Variants in SVIL observed in about 807,000 individuals in gnomAD.
SVIL encodes archvillin.
Under a neutral mutation model 240.4 loss-of-function variants are expected in SVIL, and 101 were observed. That is an observed-to-expected ratio of 0.42 (90% CI 0.36 to 0.50). The LOEUF (loss-of-function observed/expected upper bound fraction) is 0.50, where lower values mean the gene tolerates loss of function less well. Ranked by LOEUF, SVIL falls within the 20% of genes least tolerant of loss-of-function variation. The probability of loss-of-function intolerance (pLI) is 0.01; values close to 1 mark genes in which losing one functional copy is unlikely to be tolerated. For synonymous variants in SVIL, 999 were observed against 1,100.0 expected (o/e 0.91, Z 1.82); for missense variants, 2,512 against 2,818.7 (o/e 0.89, Z 2.46).
rs561459944 is a variant in SVIL at position 29,519,966 on chromosome 10, C to T, written c.3389+2444G>A. On this transcript the variant is annotated intron_variant, in intron 16 of 37. Transcript: ENST00000355867. ...CCACAAAGCCCAAGCTAAGAAGCTA[C>T]GTCTTTCCAGTATCTCACTTTTAAA... Among the ~76,000 whole-genome samples the T allele has an allele frequency of 5.8e-4, 78 of 134,492 alleles. 1 individual carries two copies. In the South Asian group the frequency reaches 0.017, roughly 29 times the overall value. The allele number at this position is 134,492 out of a possible 152,430, so 88.2% of individuals were successfully genotyped here. A position where few individuals can be genotyped will look rare whatever the true frequency, so the allele number is the denominator to read the frequency against.
chr10:29,683,747 A>G (rs1425093231), intron 2 of SVIL, among the ~76,000 whole-genome samples: 1 of 152,128 alleles, frequency 6.6e-6, no homozygotes, highest in Non-Finnish European at 1.5e-5. Flanking sequence ...CACCTGCACT[A>G]AGAGGTTCCT....
At chr10:29,559,655 C>T (rs972920889) in intron 3 of SVIL, among the ~76,000 whole-genome samples, 2 of 152,146 alleles carry the variant, frequency 1.3e-5, no homozygotes, top group African/African-American at 4.8e-5. Flanking sequence ...TTAGGACTTC[C>T]AAACATATCC....
chr10:29,479,903 G>A (rs1946641514), intron 29 of SVIL, among the ~76,000 whole-genome samples: 1 of 152,194 alleles, frequency 6.6e-6, no homozygotes, highest in Non-Finnish European at 1.5e-5. Flanking sequence ...TGAAAGGGAT[G>A]ATTTCTCCAG....
chr10:29,584,412 G>A (rs1956076235), intron 1 of SVIL, among the ~76,000 whole-genome samples: 2 of 152,200 alleles, frequency 1.3e-5, no homozygotes, highest in South Asian at 2.1e-4. Context: ...CAGCTTCCCT[G>A]CCCTGCTGCC....
At position 29,471,183 on chromosome 10, in the gene SVIL, C is replaced by T. The variant is rs764010808; in HGVS notation, c.5590G>A (p.Val1864Met). The change falls in exon 31 of 38, where the codon GTG becomes ATG. Residue 1864 changes from valine to methionine, a missense_variant. Val to Met is a conservative substitution (Grantham distance 21). Transcript: ENST00000355867. The stretch of plus-strand genomic sequence containing the variant: ...TCTTCCCGCCTCCCCGAGTGCACCA[C>T]CATCCCCCCCTGGAAACACTGCAGG... The part of the protein sequence containing the change: ...CFLQCFQGGM[V>M]VHSGRREEEE... 3 of 1,613,976 alleles carry T rather than the reference C, an allele frequency of 1.9e-6. No individual in the cohort carries two copies. Among genetic ancestry groups the T allele is most frequent in the Non-Finnish European group, 2.5e-6 (3 of 1,179,962 alleles).
chr10:29,520,918 A>T (rs1216328004), intron 16 of SVIL, among the ~76,000 whole-genome samples: 2 of 59,976 alleles, frequency 3.3e-5, no homozygotes, highest in Non-Finnish European at 7.6e-5. Flanking sequence ...CCATTCCTCT[A>T]AAAAAAAAAA....
intron 17 of SVIL, among the ~76,000 whole-genome samples, chr10:29,509,345 GAGAGAGAGAGAGA>G (rs1236105750): frequency 2.0e-5 from 2 of 101,352 alleles, no homozygotes; most frequent in African/African-American, 8.4e-5. Flanking sequence ...GAGAGAGAGA[GAGAGAGAGAGAGA>G]GAGAGAGAGA....
At chr10:29,637,557 A>T (rs1958352406), upstream of SVIL, among the ~76,000 whole-genome samples, 2 of 152,236 alleles carry the variant, frequency 1.3e-5, no homozygotes, top group African/African-American at 4.8e-5. Context: ...TAACTACAGT[A>T]ATCAAGACAA....
chr10:29,562,892 G>A (rs2132694713), intron 3 of SVIL, among the ~76,000 whole-genome samples: 1 of 152,134 alleles, frequency 6.6e-6, no homozygotes, highest in South Asian at 2.1e-4. Context: ...CTTGGAGAAG[G>A]TTAAACGGAG....
At chr10:29,623,744 G>A (rs535311349) in intron 1 of SVIL, among the ~76,000 whole-genome samples, 11 of 152,220 alleles carry the variant, frequency 7.2e-5, no homozygotes, top group South Asian at 4.2e-4. Flanking sequence ...CCAGCTACTC[G>A]GGAGGCTGAG....
chr10:29,532,074 C>T lies in SVIL; in HGVS notation c.1937G>A (p.Gly646Asp). ...SRKPRRYFSP[G>D]ESRKTSERFR... ...TCTCTCGGAAGTTTTTCTACTTTCA[C>T]CAGGAGAAAAATAGCGTCTTGGTTT... Residue 646 changes from glycine to aspartate, a missense_variant, in exon 9 of 38, where the codon GGT becomes GAT. By Grantham distance (94) the Gly-to-Asp change is moderately conservative. This residue lies in a region of SVIL where 1,443 missense variants were observed against 1,486.6 expected (regional missense o/e 0.97). Transcript: ENST00000355867. 6.2e-7 allele frequency: 1 copy of T among 1,614,126 alleles called. No homozygotes were observed. The highest frequency in any genetic ancestry group is 1.7e-5 in the Admixed American group (1 of 60,028).
chr10:29,669,815 T>C lies in SVIL; in HGVS notation c.-300-11747A>G, dbSNP rs139066324. Among the ~76,000 whole-genome samples, 4 of 152,316 alleles carry C rather than the reference T, an allele frequency of 2.6e-5. No homozygotes were observed. In the East Asian group the frequency reaches 7.7e-4, roughly 29 times the overall value. On this transcript the variant is annotated intron_variant, in intron 2 of 35. Transcript: ENST00000375400. ...TGCTGTCTGGGAGTTAGTGACATGA[T>C]TTAAGATAAAGGAAAGTTGCCGGCT...
At chr10:29,566,640 G>A (rs981805345) in intron 2 of SVIL, among the ~76,000 whole-genome samples, 1 of 152,190 alleles carries the variant, frequency 6.6e-6, no homozygotes, top group African/African-American at 2.4e-5. Flanking sequence ...ATTCAGGACG[G>A]TTCATCAGTG....
chr10:29,661,982 A>C (rs1285527764), intron 2 of SVIL, among the ~76,000 whole-genome samples: 2 of 152,198 alleles, frequency 1.3e-5, no homozygotes, highest in East Asian at 3.9e-4. Context: ...TTTTATTCAC[A>C]TACTACCAAA....
intron 6 of SVIL, among the ~76,000 whole-genome samples, chr10:29,539,833 A>G (rs1266148842): frequency 6.6e-6 from 1 of 152,120 alleles, no homozygotes; most frequent in Non-Finnish European, 1.5e-5. Context: ...CTCTGTCCCA[A>G]CTTGTACTGG....
intron 3 of SVIL, among the ~76,000 whole-genome samples, chr10:29,653,000 C>CTTT (rs895855388): frequency 1.4e-5 from 2 of 141,282 alleles, no homozygotes; most frequent in Non-Finnish European, 1.5e-5. Flanking sequence ...TTTCCTTTTC[C>CTTT]TTTTTTTTTT....
At chr10:29,690,929 A>G (rs530686497) in intron 1 of SVIL, among the ~76,000 whole-genome samples, 30 of 152,334 alleles carry the variant, frequency 2.0e-4, no homozygotes, top group African/African-American at 6.7e-4. Flanking sequence ...AATGTTTTTT[A>G]TATGAAGATA....
intron 9 of SVIL, among the ~76,000 whole-genome samples, chr10:29,531,514 C>A (rs1951366657): frequency 6.6e-6 from 1 of 152,212 alleles, no homozygotes; most frequent in South Asian, 2.1e-4. Context: ...TGGAGAGAGA[C>A]CAGGCACAAG....
At chr10:29,461,217 T>A (rs1944219464) in intron 36 of SVIL, among the ~76,000 whole-genome samples, 1 of 152,208 alleles carries the variant, frequency 6.6e-6, no homozygotes, top group Non-Finnish European at 1.5e-5. Flanking sequence ...CCCTGGCAAT[T>A]TGGTAACTCC....
Sources: gnomAD v4.1 joint callset for allele counts (sites outside exome capture counted in the v4.1 genomes callset) on GRCh38, gnomAD v4.1.1 for gene constraint, gnomAD v4.1.1 regional missense constraint, MANE v1.5 for transcripts, NCBI Gene and HGNC (gene_info 2026-07-23, HGNC 2026-07-21) for gene names.